The following CNTN5 variants were observed in gnomAD, a reference collection of about 807,000 sequenced individuals.
The protein encoded by CNTN5 is contactin 5.
CNTN5 carries 77 observed loss-of-function variants against 129.1 expected under a neutral mutation model. That is an observed-to-expected ratio of 0.60 (90% CI 0.50 to 0.72). The LOEUF (loss-of-function observed/expected upper bound fraction) is 0.72, where lower values mean the gene tolerates loss of function less well. Among genes scored for constraint, CNTN5 ranks in the 30% least tolerant of loss-of-function variants. The pLI, the probability that CNTN5 is intolerant of heterozygous loss-of-function variation, is 0.00. For missense variants in CNTN5, 1,478 were observed against 1,328.8 expected, an observed-to-expected ratio of 1.11 and a Z score of -1.75; for synonymous variants, 509 against 465.6, an observed-to-expected ratio of 1.09 and a Z score of -1.20.
At chr11:100,284,771 T>A (rs761277029) in intron 18 of CNTN5, among the ~76,000 whole-genome samples, 3 of 152,246 alleles carry the variant, frequency 2.0e-5, no homozygotes, top group African/African-American at 4.8e-5. Context: ...TCAAAGCTAC[T>A]GGTATAAATC....
chr11:99,535,528 G>T (rs1377333721), intron 2 of CNTN5, among the ~76,000 whole-genome samples: 1 of 152,144 alleles, frequency 6.6e-6, no homozygotes, highest in Non-Finnish European at 1.5e-5. Flanking sequence ...CACATGGGGA[G>T]CTCTATTCAG....
At chr11:100,011,516 C>G (rs79020125) in intron 9 of CNTN5, among the ~76,000 whole-genome samples, 2 of 152,086 alleles carry the variant, frequency 1.3e-5, no homozygotes, top group Non-Finnish European at 2.9e-5. Flanking sequence ...CAGATCTGCT[C>G]TGCTCAAAAG....
chr11:99,139,429 A>C (rs1416745812), intron 1 of CNTN5, among the ~76,000 whole-genome samples: 1 of 152,126 alleles, frequency 6.6e-6, no homozygotes, highest in Admixed American at 6.6e-5. Context: ...GTACAGAAAC[A>C]TTGCTTGGGA....
chr11:99,142,523 G>C (rs891299049), intron 1 of CNTN5, among the ~76,000 whole-genome samples: 1 of 152,048 alleles, frequency 6.6e-6, no homozygotes, highest in Non-Finnish European at 1.5e-5. Context: ...GGCATCTGAG[G>C]CTGCATTCCA....
chr11:100,275,079 T>C (rs1218431246), intron 18 of CNTN5, among the ~76,000 whole-genome samples: 1 of 128,364 alleles, frequency 7.8e-6, no homozygotes, highest in African/African-American at 2.8e-5. Flanking sequence ...TTTTTTTCCA[T>C]ATAAAAATTA....
chr11:99,229,516 C>A (rs1591387186), intron 1 of CNTN5, among the ~76,000 whole-genome samples: 3 of 75,318 alleles, frequency 4.0e-5, no homozygotes, highest in South Asian at 5.6e-4. Context: ...AAAACTAAAT[C>A]ACAATTTTAG....
intron 3 of CNTN5, among the ~76,000 whole-genome samples, chr11:99,675,203 A>G (rs1953222748): frequency 6.6e-6 from 1 of 152,112 alleles, no homozygotes; most frequent in Non-Finnish European, 1.5e-5. Context: ...AGTACAATCT[A>G]GTAGGATAGT....
intron 16 of CNTN5, chr11:100,225,086 T>A (rs1949343778): frequency 4.5e-6 from 1 of 221,682 alleles, no homozygotes. Context: ...AAGGAAATAA[T>A]CTAAACAGTT....
At chr11:99,609,178 G>C (rs1418633243) in intron 3 of CNTN5, among the ~76,000 whole-genome samples, 2 of 152,070 alleles carry the variant, frequency 1.3e-5, no homozygotes, top group Non-Finnish European at 2.9e-5. Flanking sequence ...CTTGCCTTGT[G>C]CTTATTTATA....
intron 2 of CNTN5, among the ~76,000 whole-genome samples, chr11:99,330,505 C>T (rs1865957362): frequency 6.6e-6 from 1 of 152,158 alleles, no homozygotes; most frequent in South Asian, 2.1e-4. Context: ...TAGTACACAG[C>T]ACCCTTTCCT....
At chr11:99,810,248 C>G (rs752511018) in intron 3 of CNTN5, among the ~76,000 whole-genome samples, 1 of 152,056 alleles carries the variant, frequency 6.6e-6, no homozygotes, top group Non-Finnish European at 1.5e-5. Flanking sequence ...CAAAGTTATC[C>G]AAATCTTACA....
chr11:99,939,098 A>T (rs181517901), intron 7 of CNTN5, among the ~76,000 whole-genome samples: 7 of 152,194 alleles, frequency 4.6e-5, no homozygotes, highest in Admixed American at 4.6e-4. Context: ...TCTAAAAAAA[A>T]TTTAAAAAGA....
Position 100,299,272 on chromosome 11 carries a change from C to G in CNTN5, c.2496C>G (p.Ser832=), listed in dbSNP as rs534987803. ...AAATGGTGACATCCTCTGAAGCTTC[C>G]AAATTCATTTATCGAGATGAAAGTG... The part of the protein sequence containing the change: ...KEKMVTSSEA[S]KFIYRDESVP... The change falls in exon 20 of 25, where the codon TCC becomes TCG. Residue 832 remains serine, a synonymous_variant. Coordinates refer to ENST00000524871, the MANE Select transcript of CNTN5 (RefSeq NM_014361.4). 6.2e-7 allele frequency: 1 copy of G among 1,610,570 alleles called. No homozygotes were observed. The highest frequency in any genetic ancestry group is 1.7e-5 in the Admixed American group (1 of 59,682).
At chr11:99,290,729 G>C (rs1418531669) in intron 1 of CNTN5, among the ~76,000 whole-genome samples, 1 of 151,804 alleles carries the variant, frequency 6.6e-6, no homozygotes, top group Non-Finnish European at 1.5e-5. Context: ...TAAGCTTTCA[G>C]AGTCCATCTT....
intron 13 of CNTN5, among the ~76,000 whole-genome samples, chr11:100,134,018 G>T (rs78490391): frequency 0.025 from 3,871 of 152,114 alleles, 176 homozygotes; most frequent in African/African-American, 0.088. Context: ...GGATTGCCAG[G>T]ATAGAAATCA....
At chr11:99,926,695 A>T (rs1383175968) in intron 7 of CNTN5, among the ~76,000 whole-genome samples, 2 of 152,132 alleles carry the variant, frequency 1.3e-5, no homozygotes, top group Non-Finnish European at 2.9e-5. Context: ...TGTTCCAAAA[A>T]TATTTAAGGA....
At chr11:99,442,392 A>C (rs1321732074) in intron 2 of CNTN5, among the ~76,000 whole-genome samples, 1 of 151,280 alleles carries the variant, frequency 6.6e-6, no homozygotes, top group Non-Finnish European at 1.5e-5. Flanking sequence ...CTGGTCTTGA[A>C]CTCCTGACCT....
intron 6 of CNTN5, among the ~76,000 whole-genome samples, chr11:99,877,498 A>G (rs923197548): frequency 2.0e-5 from 3 of 152,208 alleles, no homozygotes; most frequent in African/African-American, 2.4e-5. Flanking sequence ...GTCTCTTTCT[A>G]TGGATCCCAC....
At chr11:99,510,539 A>T (rs1449334738) in intron 2 of CNTN5, among the ~76,000 whole-genome samples, 2 of 152,208 alleles carry the variant, frequency 1.3e-5, no homozygotes, top group East Asian at 3.8e-4. Context: ...ACATATACAC[A>T]TTCATACAAA....
Sources: gnomAD v4.1 joint callset for allele counts (sites outside exome capture counted in the v4.1 genomes callset) on GRCh38, gnomAD v4.1.1 for gene constraint, MANE v1.5 for transcripts, NCBI Gene and HGNC (gene_info 2026-07-23, HGNC 2026-07-21) for gene names.